The following PTPN13 variants were observed in gnomAD, a reference collection of about 807,000 sequenced individuals.
PTPN13 encodes the protein tyrosine-protein phosphatase non-receptor type 13.
A neutral mutation model predicts 284.0 loss-of-function variants in PTPN13; 191 were observed. That is an observed-to-expected ratio of 0.67 (90% confidence interval 0.60 to 0.76). PTPN13 has a LOEUF of 0.76. Among genes scored for constraint, PTPN13 ranks in the 30% least tolerant of loss-of-function variants. The probability of loss-of-function intolerance (pLI) is 0.00; values close to 1 mark genes in which losing one functional copy is unlikely to be tolerated. For synonymous variants in PTPN13, 986 were observed against 1,022.3 expected, an observed-to-expected ratio of 0.96 and a Z score of 0.68; for missense variants, 2,797 against 2,939.9, an observed-to-expected ratio of 0.95 and a Z score of 1.12.
chr4:86,745,000 G>C lies in PTPN13; in HGVS notation c.2522G>C (p.Gly841Ala). 6.3e-7 allele frequency: 1 copy of C among 1,592,606 alleles called. No individual in the cohort carries two copies. The change falls in exon 17 of 48, where the codon GGA becomes GCA. Residue 841 changes from glycine to alanine, a missense_variant. Gly to Ala is a moderately conservative substitution (Grantham distance 60). Transcript: ENST00000411767. Reference protein sequence around the residue: ...KKITLQNTSDGIKHGFQTDNS... With the variant: ...KKITLQNTSDAIKHGFQTDNS... The stretch of plus-strand genomic sequence containing the variant: ...ATCACATTGCAAAATACATCAGATG[G>C]AATAAAACATGGCTTCCAGACAGAC...
intron 45 of PTPN13, among the ~76,000 whole-genome samples, chr4:86,808,656 C>G (rs1270304013): frequency 6.6e-6 from 1 of 152,206 alleles, no homozygotes; most frequent in Admixed American, 6.5e-5. Flanking sequence ...TTGATTTACA[C>G]TAGCTTACCT....
Position 86,701,717 on chromosome 4 carries a change from T to A in PTPN13, c.1111T>A (p.Ser371Thr). The A allele has an allele frequency of 6.2e-7, 1 of 1,613,928 alleles. No individual in the cohort carries two copies. Among genetic ancestry groups the A allele is most frequent in the Admixed American group, 1.7e-5 (1 of 60,012 alleles). ...ATATCACACTCGAGAATTGCCCACCTCCTCAGCAATATCAAGTGCTTTGGA... is the reference window on the plus strand; with the variant it reads ...ATATCACACTCGAGAATTGCCCACCACCTCAGCAATATCAAGTGCTTTGGA... ...PIYHTRELPT[S>T]SAISSALDRI... Residue 371 changes from serine (S) to threonine (T), a missense_variant, in exon 7 of 48, where the codon TCC becomes ACC. By Grantham distance (58) the Ser-to-Thr change is moderately conservative. Coordinates refer to ENST00000411767, the MANE Select transcript of PTPN13 (RefSeq NM_080683.3).
In PTPN13 at chr4:86,736,702, A is replaced by C. The variant is rs59874702; in HGVS notation, c.2304+956A>C. Reference sequence around the variant, plus strand: ...ATAAAGGTAGAAGGCAGATTGGCACAGTGAAAAGAATTTGCATGAGGATTT... The same window carrying C: ...ATAAAGGTAGAAGGCAGATTGGCACCGTGAAAAGAATTTGCATGAGGATTT... On this transcript the variant is annotated intron_variant, in intron 15 of 47. Coordinates refer to ENST00000411767, the MANE Select transcript of PTPN13 (RefSeq NM_080683.3). Among the ~76,000 whole-genome samples, 24 of 152,352 alleles carry C rather than the reference A, an allele frequency of 1.6e-4. No homozygotes were observed. The East Asian group carries it at 4.6e-3, about 29-fold the overall frequency.
rs1729765267 is a variant in PTPN13, at chr4:86,689,209, A to G, written c.546+19A>G. 6.3e-7 allele frequency: 1 copy of G among 1,589,246 alleles called. No individual in the cohort carries two copies. Among genetic ancestry groups the G allele is most frequent in the South Asian group, 1.1e-5 (1 of 89,842 alleles). ...TTCTGGGGTAAGCTACAGTTACAATAGTAAATATAGTCATATTTTAAAATT... is the reference window on the plus strand; with the variant it reads ...TTCTGGGGTAAGCTACAGTTACAATGGTAAATATAGTCATATTTTAAAATT... On this transcript the variant is annotated intron_variant, in intron 5 of 47. Coordinates refer to ENST00000411767, the MANE Select transcript of PTPN13 (RefSeq NM_080683.3).
intron 2 of PTPN13, among the ~76,000 whole-genome samples, chr4:86,650,130 G>A (rs558803224): frequency 2.7e-5 from 4 of 150,624 alleles, no homozygotes; most frequent in Non-Finnish European, 5.9e-5. Flanking sequence ...GGGATTGCAG[G>A]TGCCCACCAC....
At chr4:86,652,276 T>C (rs1186319867) in intron 2 of PTPN13, among the ~76,000 whole-genome samples, 1 of 152,254 alleles carries the variant, frequency 6.6e-6, no homozygotes, top group Non-Finnish European at 1.5e-5. Flanking sequence ...TCTTTTAGTC[T>C]ACTAAAATAT....
At position 86,762,855 on chromosome 4, in the gene PTPN13, A is replaced by G. The variant is rs1738857214; in HGVS notation, c.3682A>G (p.Ile1228Val). 2 of 1,613,844 alleles carry G rather than the reference A, an allele frequency of 1.2e-6. No homozygotes were observed. The highest frequency in any genetic ancestry group is 2.7e-5 in the African/African-American group (2 of 74,926). ...CTGGTCACGTGGTACCCTGAGGCAC[A>G]TCTCGGAGAACTCCTTTGGGCCATC... ...HHWSRGTLRH[I>V]SENSFGPSGG... The change falls in exon 24 of 48, where the codon ATC (isoleucine) becomes GTC (valine). Residue 1228 changes from isoleucine to valine, a missense_variant. Coordinates refer to ENST00000411767, the MANE Select transcript of PTPN13 (RefSeq NM_080683.3).
Position 86,796,880 on chromosome 4 carries a change from A to G in PTPN13, c.6352A>G (p.Lys2118Glu), listed in dbSNP as rs1175652618. ...PLPEYFTEAT[K>E]MNGCEEYCEE... is the part of the protein sequence containing the mutation. ...TTATATATTTTTATTGTAGGCCACC[A>G]AAATGAATGGCTGTGAAGAATATTG... is the stretch of plus-strand genomic sequence containing the variant. The change falls in exon 41 of 48, where the codon AAA (lysine) becomes GAA (glutamate). Residue 2118 changes from lysine to glutamate, a missense_variant. Physicochemically the swap from Lys to Glu is moderately conservative, Grantham distance 56. Transcript: ENST00000411767. The G allele has an allele frequency of 1.1e-5, 17 of 1,483,894 alleles. No homozygotes were observed. Among genetic ancestry groups the G allele is most frequent in the African/African-American group, 2.8e-5 (2 of 71,782 alleles). 91.9% of individuals were successfully genotyped at this position (1,483,894 alleles called of 1,614,324 possible).
In PTPN13 at chr4:86,694,579, CA is replaced by C. The variant is rs1000226646; in HGVS notation, c.634+930del. Among the ~76,000 whole-genome samples, 175 of 32,334 alleles carry C rather than the reference CA, an allele frequency of 5.4e-3. 1 individual carries two copies. Among genetic ancestry groups the C allele is most frequent in the Middle Eastern group, 0.019 (1 of 52 alleles). The allele number at this position is 32,334 out of a possible 152,430, so 21.2% of individuals were successfully genotyped here. A position where few individuals can be genotyped will look rare whatever the true frequency, so the allele number is the denominator to read the frequency against. On this transcript the variant is annotated intron_variant, in intron 6 of 47. Transcript: ENST00000411767. ...GGCAACAAAGAGTGAACTTCTGTCT[CA>C]AAAAAAAAAAAAAAAAAAAAAAAAG...
At chr4:86,795,055 A>G (rs548672611) in intron 40 of PTPN13, among the ~76,000 whole-genome samples, 2 of 152,356 alleles carry the variant, frequency 1.3e-5, no homozygotes, top group African/African-American at 2.4e-5. Flanking sequence ...AATGGGATCT[A>G]ATTAAAGAGC....
intron 1 of PTPN13, among the ~76,000 whole-genome samples, chr4:86,618,186 C>T (rs533991872): frequency 2.9e-4 from 44 of 152,214 alleles, no homozygotes; most frequent in Middle Eastern, 6.8e-3. Context: ...AATAGGGAAT[C>T]GTTTCCCCAT....
intron 2 of PTPN13, among the ~76,000 whole-genome samples, chr4:86,645,126 G>A (rs1724263966): frequency 6.6e-6 from 1 of 152,056 alleles, no homozygotes; most frequent in Admixed American, 6.6e-5. Flanking sequence ...AGCCCAGGAG[G>A]TTGCAGTGAG....
chr4:86,664,881 G>A (rs571666852), intron 2 of PTPN13, among the ~76,000 whole-genome samples: 1 of 152,130 alleles, frequency 6.6e-6, no homozygotes, highest in African/African-American at 2.4e-5. Flanking sequence ...CAAGAGACCT[G>A]CTTCCCTCTA....
intron 26 of PTPN13, among the ~76,000 whole-genome samples, chr4:86,765,835 T>C (rs1578613964): frequency 6.8e-6 from 1 of 148,072 alleles, no homozygotes; most frequent in East Asian, 1.9e-4. Flanking sequence ...TTGTTGTTGT[T>C]TTTTTTTTTC....
intron 31 of PTPN13, among the ~76,000 whole-genome samples, chr4:86,771,824 A>G (rs1328825129): frequency 6.6e-6 from 1 of 152,254 alleles, no homozygotes; most frequent in Non-Finnish European, 1.5e-5. Flanking sequence ...TTAAACAGAA[A>G]CAGAATAGAC....
At position 86,706,330 on chromosome 4, in the gene PTPN13, T is replaced by C. The variant is rs1356101288; in HGVS notation, c.1195+4529T>C. ...CATGTCAGATACATGGTTGAAAAGA[T>C]GTTGTTACTGCCTGGGACATTGGAC... On this transcript the variant is annotated intron_variant, in intron 7 of 47. Coordinates refer to ENST00000411767, the MANE Select transcript of PTPN13 (RefSeq NM_080683.3). 3.3e-5 allele frequency among the ~76,000 whole-genome samples: 5 copies of C among 152,216 alleles called. 1 individual carries two copies. In the East Asian group the frequency reaches 9.6e-4, roughly 29 times the overall value.
At chr4:86,661,489 ATAGTT>A (rs1726480349) in intron 2 of PTPN13, among the ~76,000 whole-genome samples, 1 of 152,198 alleles carries the variant, frequency 6.6e-6, no homozygotes, top group African/African-American at 2.4e-5. Context: ...AAAAAATTGA[ATAGTT>A]TACCATTCAA....
chr4:86,684,100 TAAA>T (rs3971792), intron 3 of PTPN13, among the ~76,000 whole-genome samples: 1 of 138,058 alleles, frequency 7.2e-6, no homozygotes, highest in African/African-American at 2.7e-5. Context: ...TAAGATATGT[TAAA>T]AAAAAAAAAA....
intron 17 of PTPN13, 102 bp from the exon 18 acceptor site, chr4:86,750,368 C>A: frequency 8.9e-7 from 1 of 1,120,510 alleles, no homozygotes; most frequent in Non-Finnish European, 1.3e-6. Flanking sequence ...TGCTGGCAAT[C>A]AAAATGATTA....
Sources: allele counts gnomAD v4.1 joint callset (sites outside exome capture counted in the v4.1 genomes callset), GRCh38; gene constraint gnomAD v4.1.1; transcripts MANE v1.5; gene names NCBI Gene and HGNC (gene_info 2026-07-23, HGNC 2026-07-21).